Variants in PLCL2 observed in about 807,000 individuals in gnomAD.
PLCL2 encodes inactive phospholipase C-like protein 2.
Under a neutral mutation model 79.6 loss-of-function variants are expected in PLCL2, and 4 were observed. That is an observed-to-expected ratio of 0.05 (90% CI 0.02 to 0.11). The LOEUF (loss-of-function observed/expected upper bound fraction) is 0.11. PLCL2 is among the 10% of genes least tolerant of loss of function. PLCL2 has a pLI of 1.00. For missense variants in PLCL2, 895 were observed against 1,291.0 expected, an observed-to-expected ratio of 0.69 and a Z score of 4.70; for synonymous variants, 484 against 457.7, an observed-to-expected ratio of 1.06 and a Z score of -0.73.
chr3:17,081,595 T>C, intron 5 of PLCL2: 2 of 181,916 alleles, frequency 1.1e-5, no homozygotes, highest in Non-Finnish European at 2.3e-5. Context: ...GAAATATTTT[T>C]AATATATTAA....
intron 1 of PLCL2, among the ~76,000 whole-genome samples, chr3:16,953,834 C>A (rs35941157): frequency 0.35 from 53,241 of 151,532 alleles, 9,836 homozygotes; most frequent in African/African-American, 0.43. Flanking sequence ...CATAGAAATA[C>A]GTTTTAAGAG....
At chr3:16,956,569 T>A (rs941723421) in intron 1 of PLCL2, among the ~76,000 whole-genome samples, 8 of 152,220 alleles carry the variant, frequency 5.3e-5, no homozygotes, top group African/African-American at 1.9e-4. Flanking sequence ...GGATTCCCTC[T>A]TTTTCTATTG....
chr3:17,045,603 T>C (rs1347128393), intron 4 of PLCL2, among the ~76,000 whole-genome samples: 3 of 152,176 alleles, frequency 2.0e-5, no homozygotes, highest in Non-Finnish European at 4.4e-5. Flanking sequence ...GGAGGCAGCC[T>C]GCCTGCATAG....
At chr3:16,890,635 C>T (rs973630050) in intron 1 of PLCL2, among the ~76,000 whole-genome samples, 1 of 152,190 alleles carries the variant, frequency 6.6e-6, no homozygotes, top group Non-Finnish European at 1.5e-5. Context: ...ATCTACCAGA[C>T]TTCTGGATTA....
At chr3:16,942,181 C>T (rs2063553813) in intron 1 of PLCL2, among the ~76,000 whole-genome samples, 1 of 152,110 alleles carries the variant, frequency 6.6e-6, no homozygotes, top group Admixed American at 6.5e-5. Flanking sequence ...GTCCAGTGGA[C>T]CAATAGAACC....
chr3:16,910,335 A>G (rs542752180), intron 1 of PLCL2, among the ~76,000 whole-genome samples: 4 of 152,044 alleles, frequency 2.6e-5, no homozygotes, highest in African/African-American at 9.6e-5. Flanking sequence ...AAGGTCACCA[A>G]TACCCTCCAA....
intron 1 of PLCL2, among the ~76,000 whole-genome samples, chr3:17,001,997 A>G (rs188938894): frequency 6.6e-6 from 1 of 152,096 alleles, no homozygotes; most frequent in East Asian, 1.9e-4. Flanking sequence ...ATGGCTTTCC[A>G]TTGTTTTGGT....
intron 1 of PLCL2, among the ~76,000 whole-genome samples, chr3:16,965,156 T>C (rs2063794170): frequency 6.6e-6 from 1 of 152,258 alleles, no homozygotes; most frequent in Admixed American, 6.5e-5. Flanking sequence ...GATTTTGGTC[T>C]AACATTTAAG....
At chr3:16,914,525 T>G (rs1696949591) in intron 1 of PLCL2, among the ~76,000 whole-genome samples, 1 of 149,992 alleles carries the variant, frequency 6.7e-6, no homozygotes, top group Admixed American at 6.6e-5. Context: ...ATTTCCAGGT[T>G]TTTTTTTTTC....
chr3:16,895,169 T>C (rs1163494128), intron 1 of PLCL2, among the ~76,000 whole-genome samples: 3 of 152,120 alleles, frequency 2.0e-5, no homozygotes, highest in Non-Finnish European at 4.4e-5. Context: ...AAATGTCTTC[T>C]AGTATGTGAC....
intron 1 of PLCL2, among the ~76,000 whole-genome samples, chr3:16,903,820 T>A (rs1274162290): frequency 6.6e-6 from 1 of 152,218 alleles, no homozygotes; most frequent in Non-Finnish European, 1.5e-5. Context: ...TTCTGGAACA[T>A]GGTATCATAC....
chr3:16,888,711 A>G (rs1448952332), intron 1 of PLCL2, among the ~76,000 whole-genome samples: 1 of 152,210 alleles, frequency 6.6e-6, no homozygotes, highest in African/African-American at 2.4e-5. Flanking sequence ...AAATAGCTCA[A>G]TCTTTTAATT....
At chr3:17,064,221 A>G (rs2064985219) in intron 4 of PLCL2, among the ~76,000 whole-genome samples, 1 of 152,200 alleles carries the variant, frequency 6.6e-6, no homozygotes. Flanking sequence ...ATTTAGTTCC[A>G]AGAGAACAAT....
chr3:16,992,323 T>C (rs1166118907), intron 1 of PLCL2, among the ~76,000 whole-genome samples: 1 of 152,142 alleles, frequency 6.6e-6, no homozygotes, highest in Admixed American at 6.5e-5. Context: ...CCTCACCTCC[T>C]TTCTTCAGCT....
chr3:16,910,203 T>C (rs1435624795), intron 1 of PLCL2, among the ~76,000 whole-genome samples: 1 of 152,202 alleles, frequency 6.6e-6, no homozygotes, highest in Non-Finnish European at 1.5e-5. Flanking sequence ...TTGCCCCCTT[T>C]GCAGCAAAAA....
intron 1 of PLCL2, among the ~76,000 whole-genome samples, chr3:16,992,266 G>A (rs772785934): frequency 4.6e-5 from 7 of 152,094 alleles, no homozygotes; most frequent in Non-Finnish European, 1.0e-4. Context: ...CTCTTAAGAA[G>A]GTCACCTGGA....
At chr3:17,067,045 C>G (rs1472075320) in intron 4 of PLCL2, among the ~76,000 whole-genome samples, 1 of 152,072 alleles carries the variant, frequency 6.6e-6, no homozygotes, top group Non-Finnish European at 1.5e-5. Context: ...AAAAGCACTT[C>G]CCTCCACCAC....
intron 1 of PLCL2, among the ~76,000 whole-genome samples, chr3:16,955,603 A>G (rs908052800): frequency 6.6e-5 from 10 of 152,242 alleles, no homozygotes; most frequent in East Asian, 1.9e-4. Flanking sequence ...CATTGAATCT[A>G]TAAATTACCT....
chr3:16,962,762 A>G (rs1230794326), intron 1 of PLCL2, among the ~76,000 whole-genome samples: 4 of 152,182 alleles, frequency 2.6e-5, no homozygotes, highest in Admixed American at 2.6e-4. Flanking sequence ...TAACGAATAA[A>G]AGATTTGGAA....
Sources: gnomAD v4.1 joint callset for allele counts (sites outside exome capture counted in the v4.1 genomes callset) on GRCh38, gnomAD v4.1.1 for gene constraint, MANE v1.5 for transcripts, NCBI Gene and HGNC (gene_info 2026-07-23, HGNC 2026-07-21) for gene names.